ALPK1: variants seen among roughly 807,000 people sequenced by gnomAD.
ALPK1 encodes alpha-protein kinase 1.
In ALPK1, 110 loss-of-function variants were observed where a neutral mutation model predicts 120.6. That is an observed-to-expected ratio of 0.91 (90% CI 0.78 to 1.07). The LOEUF (loss-of-function observed/expected upper bound fraction) is 1.07, where lower values mean the gene tolerates loss of function less well. Ranked by LOEUF, ALPK1 falls within the 50% of genes least tolerant of loss-of-function variation. The pLI is 0.00. For missense variants in ALPK1, 1,498 were observed against 1,483.9 expected, an observed-to-expected ratio of 1.01 and a Z score of -0.16; for synonymous variants, 582 against 560.3, an observed-to-expected ratio of 1.04 and a Z score of -0.55.
At chr4:112,300,165 T>TA (rs1727724211) in intron 1 of ALPK1, among the ~76,000 whole-genome samples, 1 of 151,962 alleles carries the variant, frequency 6.6e-6, no homozygotes, top group Non-Finnish European at 1.5e-5. Flanking sequence ...CATGATAGGA[T>TA]AAAAAATAGT....
At chr4:112,329,752 AG>A (rs1729278707) in intron 2 of ALPK1, among the ~76,000 whole-genome samples, 1 of 152,202 alleles carries the variant, frequency 6.6e-6, no homozygotes, top group African/African-American at 2.4e-5. Flanking sequence ...ACTGCTCATG[AG>A]GTTGACAATG....
intron 4 of ALPK1, among the ~76,000 whole-genome samples, chr4:112,387,299 T>C (rs928907281): frequency 5.3e-5 from 8 of 151,922 alleles, no homozygotes; most frequent in Non-Finnish European, 1.0e-4. Context: ...AAGTAAAGGG[T>C]GTGTTTGGAT....
intron 2 of ALPK1, among the ~76,000 whole-genome samples, chr4:112,367,515 TA>T (rs1319229207): frequency 6.6e-6 from 1 of 152,214 alleles, no homozygotes; most frequent in Non-Finnish European, 1.5e-5. Flanking sequence ...TTAGGTATCA[TA>T]AGTAATCTAG....
intron 3 of ALPK1, among the ~76,000 whole-genome samples, chr4:112,381,483 G>A (rs9884682): frequency 0.47 from 71,973 of 151,948 alleles, 17,640 homozygotes; most frequent in East Asian, 0.82. Context: ...TCATATGTAC[G>A]GGTCCATATA....
chr4:112,360,455 G>T (rs554933834), intron 2 of ALPK1, among the ~76,000 whole-genome samples: 351 of 152,030 alleles, frequency 2.3e-3, no homozygotes, highest in Middle Eastern at 6.8e-3. Context: ...ATGTTTTTTT[G>T]TGTGTGTATG....
chr4:112,372,104 TG>T (rs1160904291), intron 2 of ALPK1, among the ~76,000 whole-genome samples: 1 of 152,234 alleles, frequency 6.6e-6, no homozygotes, highest in Non-Finnish European at 1.5e-5. Flanking sequence ...TTCCTATTTC[TG>T]GGTCCTCTTT....
chr4:112,345,317 T>A (rs1327823803), intron 2 of ALPK1, among the ~76,000 whole-genome samples: 2 of 152,228 alleles, frequency 1.3e-5, no homozygotes, highest in Non-Finnish European at 2.9e-5. Context: ...AAGTACATAC[T>A]AACAGGACAA....
At chr4:112,359,164 G>A in intron 2 of ALPK1, 1 of 642,064 alleles carries the variant, frequency 1.6e-6, no homozygotes, top group Non-Finnish European at 2.9e-6. Context: ...AACCAGGGCA[G>A]GCCCCACCTG....
At chr4:112,313,828 A>G (rs1251756748) in intron 1 of ALPK1, among the ~76,000 whole-genome samples, 1 of 152,244 alleles carries the variant, frequency 6.6e-6, no homozygotes, top group Non-Finnish European at 1.5e-5. Context: ...ACAAAAGTCT[A>G]ATTAGAATGC....
intron 2 of ALPK1, among the ~76,000 whole-genome samples, chr4:112,340,690 G>A (rs1001245401): frequency 5.9e-5 from 9 of 152,170 alleles, no homozygotes; most frequent in African/African-American, 9.7e-5. Context: ...CACTTTGTGC[G>A]TGAGCAATGT....
Position 112,430,808 on chromosome 4 carries a change from G to T in ALPK1, c.1261G>T (p.Val421Phe). The change falls in exon 11 of 16, where the codon GTT becomes TTT. Residue 421 changes from valine (V) to phenylalanine (F), a missense_variant. Val to Phe is a conservative substitution (Grantham distance 50). Transcript: ENST00000650871. ...VIAQVKEHLQVQSFSNVDDRS... is the reference protein window; with the variant it reads ...VIAQVKEHLQFQSFSNVDDRS... ...TGCCCAGGTGAAGGAACATTTACAA[G>T]TTCAAAGCTTCTCAAATGTAGATGA... 1.9e-6 allele frequency: 3 copies of T among 1,614,234 alleles called. No individual in the cohort carries two copies. The highest frequency in any genetic ancestry group is 2.5e-6 in the Non-Finnish European group (3 of 1,180,032).
chr4:112,414,017 CT>C (rs1733613603), intron 5 of ALPK1, among the ~76,000 whole-genome samples: 1 of 152,170 alleles, frequency 6.6e-6, no homozygotes, highest in Non-Finnish European at 1.5e-5. Context: ...CATCTGGAGC[CT>C]CCACCTACAC....
chr4:112,360,188 A>G (rs1463777356), intron 2 of ALPK1, among the ~76,000 whole-genome samples: 1 of 152,066 alleles, frequency 6.6e-6, no homozygotes. Context: ...GTCTTTCTGT[A>G]TCTGTCTTAT....
At chr4:112,320,069 TC>T (rs1728801199) in intron 2 of ALPK1, among the ~76,000 whole-genome samples, 1 of 152,202 alleles carries the variant, frequency 6.6e-6, no homozygotes, top group Non-Finnish European at 1.5e-5. Flanking sequence ...GGCTAGGACT[TC>T]CAGTGCTATG....
intron 1 of ALPK1, among the ~76,000 whole-genome samples, chr4:112,299,121 TG>T (rs1345305843): frequency 6.6e-6 from 1 of 152,112 alleles, no homozygotes; most frequent in Non-Finnish European, 1.5e-5. Context: ...CCTCTCTATA[TG>T]GGGGAGTCTT....
In ALPK1 at chr4:112,431,177, G is replaced by A. The variant is rs764150197; in HGVS notation, c.1630G>A (p.Ala544Thr). Reference sequence around the variant, plus strand: ...AAGGAGAAACTGGACCCATTCTGATGCATTTCGAGTCTCCTTGGATCAAGA... The same window carrying A: ...AAGGAGAAACTGGACCCATTCTGATACATTTCGAGTCTCCTTGGATCAAGA... The part of the protein sequence containing the change: ...GGRRNWTHSD[A>T]FRVSLDQDVE... Residue 544 changes from alanine to threonine, a missense_variant, in exon 11 of 16, where the codon GCA becomes ACA. Ala to Thr is a moderately conservative substitution (Grantham distance 58). Coordinates refer to ENST00000650871, the MANE Select transcript of ALPK1 (RefSeq NM_025144.4). The A allele has an allele frequency of 1.9e-6, 3 of 1,614,042 alleles. No individual in the cohort carries two copies. In the African/African-American group the frequency reaches 4.0e-5, roughly 22 times the overall value.
At chr4:112,357,088 G>A in intron 2 of ALPK1, 14 of 1,062,232 alleles carry the variant, frequency 1.3e-5, no homozygotes, top group Non-Finnish European at 1.9e-5. Flanking sequence ...AGCTGAAGAT[G>A]ATCCTGCTCT....
rs775430204 is a variant in ALPK1 at position 112,432,275 on chromosome 4, G to A, written c.2728G>A (p.Glu910Lys). Residue 910 changes from glutamate (E) to lysine (K), a missense_variant, in exon 11 of 16, where the codon GAA (glutamate) becomes AAA (lysine). Transcript: ENST00000650871. ...VLSEDCTTTE[E>K]GNQPGNMLNC... is the part of the protein sequence containing the mutation. ...CAGCGAGGACTGCACTACCACAGAG[G>A]AAGGAAATCAGCCTGGAAACATGCT... 2.2e-5 allele frequency: 36 copies of A among 1,614,074 alleles called. No homozygotes were observed. Among genetic ancestry groups the A allele is most frequent in the Admixed American group, 1.7e-4 (10 of 60,004 alleles).
intron 10 of ALPK1, 28 bp from the exon 11 acceptor site, chr4:112,430,420 C>G: frequency 6.6e-7 from 1 of 1,526,100 alleles, no homozygotes. Flanking sequence ...AATTCAATAT[C>G]TGATTTGGTA....
Sources: gnomAD v4.1 joint callset for allele counts (sites outside exome capture counted in the v4.1 genomes callset) on GRCh38, gnomAD v4.1.1 for gene constraint, MANE v1.5 for transcripts, NCBI Gene and HGNC (gene_info 2026-07-23, HGNC 2026-07-21) for gene names.